Variants in PRKG1 observed in about 807,000 individuals in gnomAD.
PRKG1 encodes protein kinase cGMP-dependent 1, also known as cGMP-dependent protein kinase 1.
Under a neutral mutation model 88.1 loss-of-function variants are expected in PRKG1, and 35 were observed. The ratio of observed to expected loss-of-function variants is 0.40; its 90% CI spans 0.30 to 0.53. PRKG1 has a LOEUF of 0.53. Ranked by LOEUF, PRKG1 falls within the 20% of genes least tolerant of loss-of-function variation. The probability of loss-of-function intolerance (pLI) is 0.59; values close to 1 mark genes in which losing one functional copy is unlikely to be tolerated. For missense variants in PRKG1, 540 were observed against 839.8 expected (o/e 0.64, Z 4.41); for synonymous variants, 303 against 292.5 (o/e 1.04, Z -0.37).
chr10:52,114,933 C>T (rs1260692736), intron 7 of PRKG1, among the ~76,000 whole-genome samples: 1 of 151,982 alleles, frequency 6.6e-6, no homozygotes, highest in Non-Finnish European at 1.5e-5. Context: ...GGATCCAGAA[C>T]ATAAAAGGTA....
At chr10:51,342,437 C>G (rs1028865735) in intron 2 of PRKG1, among the ~76,000 whole-genome samples, 1 of 152,014 alleles carries the variant, frequency 6.6e-6, no homozygotes, top group Admixed American at 6.5e-5. Context: ...TTCTAAGAGA[C>G]ACAGAATTAA....
intron 7 of PRKG1, among the ~76,000 whole-genome samples, chr10:52,122,684 T>C (rs1239632092): frequency 1.3e-5 from 2 of 152,202 alleles, no homozygotes; most frequent in East Asian, 3.8e-4. Flanking sequence ...AGTTTAATAT[T>C]TGAAGCAAAA....
intron 4 of PRKG1, among the ~76,000 whole-genome samples, chr10:51,871,091 T>C (rs1170791067): frequency 6.6e-6 from 1 of 152,232 alleles, no homozygotes; most frequent in Non-Finnish European, 1.5e-5. Context: ...TTGGAAGTAC[T>C]TCTTAATTAA....
At chr10:51,809,995 A>G (rs189759124) in intron 4 of PRKG1, among the ~76,000 whole-genome samples, 54 of 152,166 alleles carry the variant, frequency 3.5e-4, no homozygotes, top group African/African-American at 1.3e-3. Flanking sequence ...TTATCTCAAG[A>G]GACTCCCCTC....
At chr10:51,090,694 A>G (rs1844378282) in intron 1 of PRKG1, among the ~76,000 whole-genome samples, 1 of 152,322 alleles carries the variant, frequency 6.6e-6, no homozygotes, top group African/African-American at 2.4e-5. Flanking sequence ...GTGAAATTGT[A>G]ATAATATTGT....
intron 3 of PRKG1, among the ~76,000 whole-genome samples, chr10:51,510,376 A>T (rs1167278484): frequency 6.6e-6 from 1 of 152,172 alleles, no homozygotes; most frequent in Non-Finnish European, 1.5e-5. Context: ...AAATTTCAAA[A>T]TACAATGCAT....
chr10:51,721,406 A>T (rs771935682), intron 3 of PRKG1, among the ~76,000 whole-genome samples: 1 of 152,178 alleles, frequency 6.6e-6, no homozygotes, highest in Non-Finnish European at 1.5e-5. Context: ...AACTACGTGG[A>T]ACCCAGAAGT....
At chr10:51,309,802 T>C (rs1841137525) in intron 2 of PRKG1, among the ~76,000 whole-genome samples, 1 of 152,234 alleles carries the variant, frequency 6.6e-6, no homozygotes, top group South Asian at 2.1e-4. Context: ...TTCATATGTT[T>C]ATTGCAATAC....
intron 3 of PRKG1, among the ~76,000 whole-genome samples, chr10:51,669,478 G>A (rs1035855466): frequency 1.3e-5 from 2 of 152,196 alleles, no homozygotes; most frequent in South Asian, 2.1e-4. Context: ...GAGGGGAAGG[G>A]AGTGGGCACA....
intron 3 of PRKG1, among the ~76,000 whole-genome samples, chr10:51,483,838 T>G (rs1483987813): frequency 1.3e-5 from 2 of 152,244 alleles, no homozygotes; most frequent in African/African-American, 4.8e-5. Context: ...AGGAAATATC[T>G]GCTGAAACCA....
At chr10:51,081,754 A>ATGAT (rs552328548) in intron 1 of PRKG1, among the ~76,000 whole-genome samples, 4 of 152,146 alleles carry the variant, frequency 2.6e-5, no homozygotes, top group Non-Finnish European at 5.9e-5. Flanking sequence ...CATTGATTGA[A>ATGAT]TGATTGATTG....
intron 1 of PRKG1, among the ~76,000 whole-genome samples, chr10:51,149,475 C>T (rs1904700): frequency 0.65 from 98,504 of 151,964 alleles, 33,383 homozygotes; most frequent in African/African-American, 0.87. Context: ...TTTTTCTTTA[C>T]ATTCAGAAAT....
intron 2 of PRKG1, among the ~76,000 whole-genome samples, chr10:51,253,842 T>G (rs1272582485): frequency 2.6e-5 from 4 of 151,994 alleles, no homozygotes; most frequent in African/African-American, 9.7e-5. Flanking sequence ...GATCTTATAC[T>G]ATTATCATCA....
intron 3 of PRKG1, among the ~76,000 whole-genome samples, chr10:51,761,860 G>A (rs1838029982): frequency 6.6e-6 from 1 of 152,160 alleles, no homozygotes; most frequent in South Asian, 2.1e-4. Flanking sequence ...CATTTACATA[G>A]AATTCAAATA....
In PRKG1 at chr10:52,062,636, G is replaced by A. The variant is rs80293383; in HGVS notation, c.935+5G>A. The A allele has an allele frequency of 1.1e-5, 17 of 1,580,726 alleles. No homozygotes were observed. The highest frequency in any genetic ancestry group is 1.4e-5 in the Non-Finnish European group (16 of 1,157,914). The stretch of plus-strand genomic sequence containing the variant: ...TGGAGAGAAAGCCTTGCAGGGGTAA[G>A]TAGATCATGTGTTATACAGGTTTTT... On this transcript the variant is annotated splice_donor_5th_base_variant and intron_variant, in intron 7 of 17. Transcript: ENST00000373980.
At chr10:52,058,517 C>T (rs1298383365) in intron 6 of PRKG1, among the ~76,000 whole-genome samples, 1 of 151,924 alleles carries the variant, frequency 6.6e-6, no homozygotes, top group Non-Finnish European at 1.5e-5. Flanking sequence ...AGTTAACGTA[C>T]TTAAGGTGAG....
intron 4 of PRKG1, among the ~76,000 whole-genome samples, chr10:51,890,181 T>A (rs985145114): frequency 6.6e-6 from 1 of 152,232 alleles, no homozygotes; most frequent in African/African-American, 2.4e-5. Context: ...CTAGGGTTTT[T>A]ATGGTTTTAG....
intron 5 of PRKG1, among the ~76,000 whole-genome samples, chr10:52,001,515 T>C (rs1589504133): frequency 1.3e-5 from 2 of 151,978 alleles, no homozygotes. Flanking sequence ...GTAAAACTTG[T>C]TGAAAATTTT....
Position 51,516,486 on chromosome 10 carries a change from T to C in PRKG1, c.592+48650T>C, listed in dbSNP as rs552412721. On this transcript the variant is annotated intron_variant, in intron 3 of 17. Coordinates refer to ENST00000373980, the MANE Select transcript of PRKG1 (RefSeq NM_006258.4). ...GAGAGCAGGCACACAGGGATAGAAG[T>C]TCCCACTTTGGGCCATGGGTTTCAA... Among the ~76,000 whole-genome samples, 13 of 152,186 alleles carry C rather than the reference T, an allele frequency of 8.5e-5. No homozygotes were observed. In the South Asian group the frequency reaches 2.7e-3, roughly 32 times the overall value.
Sources: gnomAD v4.1 joint callset for allele counts (sites outside exome capture counted in the v4.1 genomes callset) on GRCh38, gnomAD v4.1.1 for gene constraint, MANE v1.5 for transcripts, NCBI Gene and HGNC (gene_info 2026-07-23, HGNC 2026-07-21) for gene names.